The following EPHA5 variants were observed in gnomAD, a reference collection of about 807,000 sequenced individuals.
EPHA5 encodes ephrin type-A receptor 5.
In EPHA5, 60 loss-of-function variants were observed where a neutral mutation model predicts 105.0. That is an observed-to-expected ratio of 0.57 (90% confidence interval 0.46 to 0.71). The LOEUF (loss-of-function observed/expected upper bound fraction) is 0.71, where lower values mean the gene tolerates loss of function less well. EPHA5 is among the 30% of genes least tolerant of loss of function. The pLI is 0.00. For synonymous variants in EPHA5, 513 were observed against 449.1 expected, an observed-to-expected ratio of 1.14 and a Z score of -1.80; for missense variants, 1,218 against 1,274.7, an observed-to-expected ratio of 0.96 and a Z score of 0.68.
intron 5 of EPHA5, among the ~76,000 whole-genome samples, chr4:65,427,185 CTTTTTTTTT>C (rs11443682): frequency 7.7e-6 from 1 of 129,102 alleles, no homozygotes; most frequent in Non-Finnish European, 1.6e-5. Context: ...CGAGTGTATT[CTTTTTTTTT>C]TTTTTTTTGA....
chr4:65,404,836 A>G (rs1408184999), intron 7 of EPHA5, among the ~76,000 whole-genome samples: 1 of 152,174 alleles, frequency 6.6e-6, no homozygotes, highest in African/African-American at 2.4e-5. Context: ...AGGAGGTGCC[A>G]GGTATATAAG....
chr4:65,544,878 G>A (rs932070967), intron 3 of EPHA5, among the ~76,000 whole-genome samples: 5 of 151,596 alleles, frequency 3.3e-5, no homozygotes, highest in African/African-American at 1.2e-4. Context: ...TATACACCAT[G>A]GAATACTATG....
At chr4:65,405,499 C>T (rs1007637844) in intron 7 of EPHA5, among the ~76,000 whole-genome samples, 3 of 152,132 alleles carry the variant, frequency 2.0e-5, no homozygotes, top group Admixed American at 2.0e-4. Flanking sequence ...AGATTTGGAT[C>T]TCCAAATACC....
At chr4:65,377,812 A>T (rs1719159317) in intron 8 of EPHA5, among the ~76,000 whole-genome samples, 1 of 151,970 alleles carries the variant, frequency 6.6e-6, no homozygotes, top group South Asian at 2.1e-4. Context: ...TTATTGATAG[A>T]AAACATGTAA....
At chr4:65,597,565 T>C (rs1301930429) in intron 3 of EPHA5, among the ~76,000 whole-genome samples, 16 of 152,228 alleles carry the variant, frequency 1.1e-4, no homozygotes, top group Non-Finnish European at 2.9e-5. Flanking sequence ...TAAATGGATT[T>C]GAGACATTAT....
intron 1 of EPHA5, among the ~76,000 whole-genome samples, chr4:65,651,613 C>A (rs1157489310): frequency 6.6e-6 from 1 of 152,052 alleles, no homozygotes; most frequent in Non-Finnish European, 1.5e-5. Context: ...TTGTTTACTG[C>A]AAATAATGAG....
chr4:65,535,643 A>G (rs1418489652), intron 3 of EPHA5, among the ~76,000 whole-genome samples: 2 of 152,124 alleles, frequency 1.3e-5, no homozygotes, highest in Non-Finnish European at 2.9e-5. Context: ...AAAAATATCA[A>G]TACATGTAAA....
intron 1 of EPHA5, among the ~76,000 whole-genome samples, chr4:65,660,712 G>A (rs894142958): frequency 1.3e-5 from 2 of 152,106 alleles, no homozygotes; most frequent in Middle Eastern, 3.4e-3. Context: ...TGGGTTCCTG[G>A]TCTCTACATC....
At chr4:65,331,901 C>T (rs1329297250) in intron 16 of EPHA5, 72 bp downstream of exon 16, 5 of 1,536,318 alleles carry the variant, frequency 3.3e-6, no homozygotes, top group Admixed American at 2.0e-5. Flanking sequence ...TCCCTTACCT[C>T]ATCCAGATTG....
At chr4:65,574,731 CAT>C (rs201831887) in intron 3 of EPHA5, among the ~76,000 whole-genome samples, 51 of 85,490 alleles carry the variant, frequency 6.0e-4, no homozygotes, top group African/African-American at 1.7e-3. Context: ...CATATATATA[CAT>C]ATATATATAC....
chr4:65,516,943 G>T (rs1034100465), intron 3 of EPHA5, among the ~76,000 whole-genome samples: 1 of 152,066 alleles, frequency 6.6e-6, no homozygotes, highest in African/African-American at 2.4e-5. Context: ...TAAAGAATGT[G>T]TAGTGTTTGT....
chr4:65,376,990 A>G lies in EPHA5; in HGVS notation c.1794-9566T>C, dbSNP rs1234762064. 8 of 1,603,968 alleles carry G rather than the reference A, an allele frequency of 5.0e-6. No individual in the cohort carries two copies. The East Asian group carries it at 1.8e-4, about 36-fold the overall frequency. ...CACATAGGAGTGAAAGTGGGAGGGAACACTAACCATATTAGGCTTGGATGG... is the reference window on the plus strand; with the variant it reads ...CACATAGGAGTGAAAGTGGGAGGGAGCACTAACCATATTAGGCTTGGATGG... On this transcript the variant is annotated intron_variant, in intron 8 of 16. Transcript: ENST00000613740.
intron 5 of EPHA5, among the ~76,000 whole-genome samples, chr4:65,427,788 A>G (rs1430326548): frequency 6.6e-6 from 1 of 152,214 alleles, no homozygotes; most frequent in Non-Finnish European, 1.5e-5. Flanking sequence ...TGGCATTAGC[A>G]TAGTGAATAC....
intron 3 of EPHA5, among the ~76,000 whole-genome samples, chr4:65,562,426 C>G (rs1739104813): frequency 6.6e-6 from 1 of 151,918 alleles, no homozygotes; most frequent in Non-Finnish European, 1.5e-5. Context: ...AGCTTAAACC[C>G]CCTCATGTTT....
chr4:65,344,084 G>A (rs1721990819), intron 14 of EPHA5, among the ~76,000 whole-genome samples: 1 of 152,118 alleles, frequency 6.6e-6, no homozygotes, highest in Admixed American at 6.6e-5. Flanking sequence ...TTAGATAAAT[G>A]AACTTTTATT....
intron 2 of EPHA5, among the ~76,000 whole-genome samples, chr4:65,620,924 G>A (rs906653230): frequency 3.3e-5 from 5 of 152,128 alleles, no homozygotes; most frequent in African/African-American, 9.7e-5. Context: ...CCTTCTCAGA[G>A]ATAGGAGGAA....
At chr4:65,354,809 C>CT (rs1364617924) in intron 11 of EPHA5, among the ~76,000 whole-genome samples, 3 of 151,672 alleles carry the variant, frequency 2.0e-5, no homozygotes, top group African/African-American at 7.3e-5. Context: ...TCCCATATCA[C>CT]TTAAAACTCA....
At chr4:65,358,256 T>A (rs1723498977) in intron 11 of EPHA5, among the ~76,000 whole-genome samples, 2 of 151,492 alleles carry the variant, frequency 1.3e-5, no homozygotes, top group South Asian at 4.1e-4. Context: ...CATTAGCTCA[T>A]CAATAAACAC....
chr4:65,394,559 A>G (rs1174116364), intron 8 of EPHA5, among the ~76,000 whole-genome samples: 1 of 152,220 alleles, frequency 6.6e-6, no homozygotes, highest in African/African-American at 2.4e-5. Context: ...TCATCTTTTT[A>G]GTATGCTCAA....
Sources: allele counts gnomAD v4.1 joint callset (sites outside exome capture counted in the v4.1 genomes callset), GRCh38; gene constraint gnomAD v4.1.1; transcripts MANE v1.5; gene names NCBI Gene and HGNC (gene_info 2026-07-23, HGNC 2026-07-21).